IMMP2L: variants seen among roughly 807,000 people sequenced by gnomAD.
IMMP2L encodes mitochondrial inner membrane protease subunit 2.
In IMMP2L, 18 loss-of-function variants were observed where a neutral mutation model predicts 19.3. That is an observed-to-expected ratio of 0.93 (90% confidence interval 0.64 to 1.38). IMMP2L has a LOEUF of 1.38. IMMP2L is among the 40% of genes most tolerant of loss of function. The pLI is 0.00. For missense variants in IMMP2L, 233 were observed against 218.2 expected (o/e 1.07, Z -0.43); for synonymous variants, 76 against 73.0 (o/e 1.04, Z -0.21).
intron 5 of IMMP2L, among the ~76,000 whole-genome samples, chr7:110,761,553 A>C (rs1798349458): frequency 6.6e-6 from 1 of 152,174 alleles, no homozygotes; most frequent in Non-Finnish European, 1.5e-5. Context: ...TGCATCAATC[A>C]AGTACCTCTC....
chr7:111,204,339 C>T (rs1176937618), intron 3 of IMMP2L, among the ~76,000 whole-genome samples: 3 of 152,022 alleles, frequency 2.0e-5, no homozygotes, highest in Admixed American at 6.6e-5. Flanking sequence ...CATAAAACAA[C>T]AACAAAAAAA....
intron 4 of IMMP2L, among the ~76,000 whole-genome samples, chr7:110,922,855 T>G (rs1563083388): frequency 6.6e-6 from 1 of 152,182 alleles, no homozygotes; most frequent in African/African-American, 2.4e-5. Context: ...AGATTGATTG[T>G]CAAGACCTTC....
At chr7:110,976,199 G>A (rs1820679064) in intron 3 of IMMP2L, among the ~76,000 whole-genome samples, 1 of 151,984 alleles carries the variant, frequency 6.6e-6, no homozygotes, top group Non-Finnish European at 1.5e-5. Context: ...AAGATGATAT[G>A]AAGGTAGTGT....
intron 3 of IMMP2L, chr7:111,411,381 C>A: frequency 2.2e-6 from 1 of 463,440 alleles, no homozygotes; most frequent in South Asian, 1.6e-5. Flanking sequence ...AGATCAAGTT[C>A]AAAAAAAGGG....
At chr7:111,152,236 T>C (rs937616128) in intron 3 of IMMP2L, among the ~76,000 whole-genome samples, 8 of 152,302 alleles carry the variant, frequency 5.3e-5, no homozygotes, top group African/African-American at 1.7e-4. Context: ...ATTAATTACA[T>C]AATCATAATG....
intron 3 of IMMP2L, among the ~76,000 whole-genome samples, chr7:111,025,569 T>A (rs1826723115): frequency 6.6e-6 from 1 of 152,094 alleles, no homozygotes; most frequent in Non-Finnish European, 1.5e-5. Context: ...ATGAAGCCCC[T>A]GAAAATAAAA....
intron 5 of IMMP2L, among the ~76,000 whole-genome samples, chr7:110,729,688 A>G (rs1485090628): frequency 6.6e-6 from 1 of 152,196 alleles, no homozygotes. Flanking sequence ...ATCTGTTCTC[A>G]CTTATAACTG....
At chr7:111,472,872 G>T (rs1017251219) in intron 3 of IMMP2L, among the ~76,000 whole-genome samples, 1 of 151,784 alleles carries the variant, frequency 6.6e-6, no homozygotes, top group African/African-American at 2.4e-5. Context: ...GAGGTGGGTG[G>T]ATCACTTGAG....
chr7:110,936,948 A>G (rs1210645472), intron 4 of IMMP2L, among the ~76,000 whole-genome samples: 3 of 152,160 alleles, frequency 2.0e-5, no homozygotes, highest in Admixed American at 1.3e-4. Context: ...TAACACAGGA[A>G]CAGAAAACCA....
At chr7:110,731,731 A>G (rs1252554781) in intron 5 of IMMP2L, among the ~76,000 whole-genome samples, 1 of 152,198 alleles carries the variant, frequency 6.6e-6, no homozygotes, top group Non-Finnish European at 1.5e-5. Context: ...CTCAAATTTT[A>G]TAGTAATTAT....
intron 3 of IMMP2L, among the ~76,000 whole-genome samples, chr7:111,003,086 T>C (rs1823886795): frequency 6.6e-6 from 1 of 152,308 alleles, no homozygotes; most frequent in Non-Finnish European, 1.5e-5. Flanking sequence ...ATTTTTCTGC[T>C]AGCATTATTG....
At chr7:110,912,599 T>C (rs1813173535) in intron 4 of IMMP2L, among the ~76,000 whole-genome samples, 1 of 151,968 alleles carries the variant, frequency 6.6e-6, no homozygotes, top group South Asian at 2.1e-4. Flanking sequence ...TTTTTTTTTT[T>C]ACTTCATGGG....
intron 3 of IMMP2L, among the ~76,000 whole-genome samples, chr7:111,369,495 G>T (rs922504435): frequency 6.6e-6 from 1 of 151,814 alleles, no homozygotes; most frequent in African/African-American, 2.4e-5. Context: ...TTGCAAACTG[G>T]CATTAATCAT....
chr7:110,910,341 A>G (rs2129548278), intron 4 of IMMP2L, among the ~76,000 whole-genome samples: 1 of 152,316 alleles, frequency 6.6e-6, no homozygotes, highest in East Asian at 1.9e-4. Context: ...CATTCAGCAA[A>G]GTAACCTGAT....
chr7:110,732,811 A>T (rs796151020), intron 5 of IMMP2L, among the ~76,000 whole-genome samples: 199 of 148,702 alleles, frequency 1.3e-3, no homozygotes, highest in African/African-American at 4.7e-3. Flanking sequence ...TTTTTTTGAG[A>T]TAGGGTCTCT....
At chr7:110,920,597 T>A (rs776208812) in intron 4 of IMMP2L, among the ~76,000 whole-genome samples, 1 of 152,222 alleles carries the variant, frequency 6.6e-6, no homozygotes, top group Non-Finnish European at 1.5e-5. Flanking sequence ...ATGCTGAGAA[T>A]TGATCTTATG....
At chr7:111,165,040 G>A (rs1486164721) in intron 3 of IMMP2L, among the ~76,000 whole-genome samples, 2 of 151,970 alleles carry the variant, frequency 1.3e-5, no homozygotes, top group Non-Finnish European at 2.9e-5. Flanking sequence ...ATATAAAACA[G>A]AAACTCTGTA....
intron 3 of IMMP2L, among the ~76,000 whole-genome samples, chr7:111,137,317 T>C (rs17158362): frequency 0.03 from 4,627 of 152,240 alleles, 242 homozygotes; most frequent in African/African-American, 0.11. Flanking sequence ...GGATACCTTA[T>C]AAAAATGGTA....
chr7:111,051,079 A>C (rs1373816418), intron 3 of IMMP2L, among the ~76,000 whole-genome samples: 1 of 152,212 alleles, frequency 6.6e-6, no homozygotes, highest in Non-Finnish European at 1.5e-5. Context: ...TCAAGGCTGC[A>C]GTGAGCTATG....
Sources: allele counts gnomAD v4.1 joint callset (sites outside exome capture counted in the v4.1 genomes callset), GRCh38; gene constraint gnomAD v4.1.1; transcripts MANE v1.5; gene names NCBI Gene and HGNC (gene_info 2026-07-23, HGNC 2026-07-21).